Variants in RORA observed in about 807,000 individuals in gnomAD.
The protein encoded by RORA is nuclear receptor ROR-alpha.
Under a neutral mutation model 69.5 loss-of-function variants are expected in RORA, and 7 were observed. That is an observed-to-expected ratio of 0.10 (90% CI 0.06 to 0.19). The LOEUF (loss-of-function observed/expected upper bound fraction) is 0.19. Ranked by LOEUF, RORA falls within the 10% of genes least tolerant of loss-of-function variation. RORA has a pLI of 1.00. For missense variants in RORA, 457 were observed against 663.0 expected (o/e 0.69, Z 3.41); for synonymous variants, 261 against 240.8 (o/e 1.08, Z -0.78).
chr15:60,633,400 A>G (rs771250638), intron 2 of RORA, among the ~76,000 whole-genome samples: 3 of 152,262 alleles, frequency 2.0e-5, no homozygotes, highest in Non-Finnish European at 2.9e-5. Context: ...CATTTCTTTA[A>G]CTTATAATAT....
At chr15:61,142,420 A>G (rs1224743139) in intron 1 of RORA, among the ~76,000 whole-genome samples, 1 of 152,256 alleles carries the variant, frequency 6.6e-6, no homozygotes, top group African/African-American at 2.4e-5. Context: ...GGAAGCACTG[A>G]CAAAGACACT....
chr15:60,722,740 C>T (rs1196716093), intron 1 of RORA, among the ~76,000 whole-genome samples: 2 of 152,190 alleles, frequency 1.3e-5, no homozygotes, highest in East Asian at 1.9e-4. Flanking sequence ...CTGTAGTCAT[C>T]CAAGAAAAAT....
chr15:61,064,070 G>A (rs1171071435), intron 1 of RORA, among the ~76,000 whole-genome samples: 1 of 152,168 alleles, frequency 6.6e-6, no homozygotes, highest in Non-Finnish European at 1.5e-5. Flanking sequence ...TCAACCTCGA[G>A]GGCAGCTGTG....
chr15:61,102,055 AT>A (rs2078887806), intron 1 of RORA, among the ~76,000 whole-genome samples: 1 of 152,148 alleles, frequency 6.6e-6, no homozygotes, highest in Non-Finnish European at 1.5e-5. Flanking sequence ...ACCCCAGGTC[AT>A]CCCCCGGATC....
chr15:61,032,792 T>G (rs1447013844), intron 1 of RORA, among the ~76,000 whole-genome samples: 1 of 152,130 alleles, frequency 6.6e-6, no homozygotes, highest in African/African-American at 2.4e-5. Flanking sequence ...CAAAGAGCAG[T>G]ACAGGGGATC....
chr15:60,834,733 G>A (rs958555142), intron 1 of RORA, among the ~76,000 whole-genome samples: 18 of 152,164 alleles, frequency 1.2e-4, no homozygotes, highest in African/African-American at 2.7e-4. Context: ...GAGGGGCTGC[G>A]CATTTGTTGA....
intron 1 of RORA, among the ~76,000 whole-genome samples, chr15:60,727,053 CA>C (rs1455091035): frequency 6.6e-6 from 1 of 152,196 alleles, no homozygotes; most frequent in African/African-American, 2.4e-5. Context: ...GCAGCTCACA[CA>C]GGTTTGCTGG....
At chr15:61,136,130 G>C (rs2079237967) in intron 1 of RORA, among the ~76,000 whole-genome samples, 1 of 152,026 alleles carries the variant, frequency 6.6e-6, no homozygotes, top group Non-Finnish European at 1.5e-5. Context: ...TTCTTGAAAG[G>C]GGGTGGAAGA....
intron 1 of RORA, among the ~76,000 whole-genome samples, chr15:60,800,623 A>G (rs1323697201): frequency 6.6e-6 from 1 of 152,028 alleles, no homozygotes; most frequent in Non-Finnish European, 1.5e-5. Flanking sequence ...CTCTTGGTGA[A>G]CTCAGGGGGC....
At chr15:60,802,422 T>C (rs1018439330) in intron 1 of RORA, among the ~76,000 whole-genome samples, 1 of 152,190 alleles carries the variant, frequency 6.6e-6, no homozygotes, top group Admixed American at 6.5e-5. Flanking sequence ...CATTTGTTCA[T>C]TGTGACTCTG....
chr15:60,626,707 C>T (rs556187224), intron 2 of RORA, among the ~76,000 whole-genome samples: 5 of 152,152 alleles, frequency 3.3e-5, no homozygotes, highest in South Asian at 2.1e-4. Flanking sequence ...GAAACAGGAT[C>T]GGGAAAATCT....
At position 61,147,766 on chromosome 15, in the gene RORA, C is replaced by CGCGTGTGTGTGT. The variant is rs375270045; in HGVS notation, c.166+81286_166+81287insACACACACACGC. On this transcript the variant is annotated intron_variant, in intron 1 of 10. Transcript: ENST00000335670. The surrounding 1 kb of genome is among the most constrained non-coding windows in gnomAD (Gnocchi z 4.1). ...TGGTCAGTAGGCACGTGCGCACACG[C>CGCGTGTGTGTGT]GTGTGTGTGTGTGTGTGTGTGTGTG... is the stretch of plus-strand genomic sequence containing the variant. Among the ~76,000 whole-genome samples, 8 of 147,588 alleles carry CGCGTGTGTGTGT rather than the reference C, an allele frequency of 5.4e-5. No individual in the cohort carries two copies. The highest frequency in any genetic ancestry group is 1.2e-4 in the Non-Finnish European group (8 of 66,912).
chr15:60,935,693 C>G (rs1451933203), intron 1 of RORA, among the ~76,000 whole-genome samples: 1 of 152,224 alleles, frequency 6.6e-6, no homozygotes, highest in East Asian at 1.9e-4. Context: ...GAGAAACACA[C>G]CATACATAAA....
At position 60,558,151 on chromosome 15, in the gene RORA, C is replaced by G. The variant is rs1280981216; in HGVS notation, c.197-26300G>C. On this transcript the variant is annotated intron_variant, in intron 2 of 10. Transcript: ENST00000335670. ...AGTGCCACACCGGGGGAAAGGGAGGCAAACACAAGACTGGGCCACATCTCC... is the reference window on the plus strand; with the variant it reads ...AGTGCCACACCGGGGGAAAGGGAGGGAAACACAAGACTGGGCCACATCTCC... The G allele has an allele frequency of 3.7e-6, 4 of 1,092,804 alleles. No homozygotes were observed. In the South Asian group the frequency reaches 4.2e-5, roughly 11 times the overall value. 67.7% of individuals were successfully genotyped at this position (1,092,804 alleles called of 1,614,324 possible). A position where few individuals can be genotyped will look rare whatever the true frequency, so the allele number is the denominator to read the frequency against.
intron 1 of RORA, among the ~76,000 whole-genome samples, chr15:60,758,454 G>C (rs768608677): frequency 1.3e-5 from 2 of 152,144 alleles, no homozygotes; most frequent in Non-Finnish European, 2.9e-5. Flanking sequence ...GCTGCCATCA[G>C]TTCCGGTGAT....
At chr15:60,646,348 G>A (rs1416770153) in intron 2 of RORA, among the ~76,000 whole-genome samples, 8 of 152,152 alleles carry the variant, frequency 5.3e-5, no homozygotes, top group Non-Finnish European at 2.9e-5. Flanking sequence ...TCCCCAGGGA[G>A]GGTAATTTCC....
chr15:60,890,971 T>C (rs1320123146), intron 1 of RORA, among the ~76,000 whole-genome samples: 1 of 152,226 alleles, frequency 6.6e-6, no homozygotes, highest in Non-Finnish European at 1.5e-5. Flanking sequence ...TCCCTGTTCA[T>C]GTCCAAATCA....
At chr15:60,706,047 C>G (rs1167853656) in intron 1 of RORA, among the ~76,000 whole-genome samples, 1 of 152,142 alleles carries the variant, frequency 6.6e-6, no homozygotes, top group African/African-American at 2.4e-5. Context: ...AAAAAGGGCA[C>G]ACGCATAGTT....
chr15:60,708,159 A>C (rs1367058187), intron 1 of RORA, among the ~76,000 whole-genome samples: 1 of 152,070 alleles, frequency 6.6e-6, no homozygotes, highest in Non-Finnish European at 1.5e-5. Context: ...AGCCCTCTGT[A>C]TTATTCGTGT....
Sources: gnomAD v4.1 joint callset for allele counts (sites outside exome capture counted in the v4.1 genomes callset) on GRCh38, gnomAD v4.1.1 for gene constraint, Gnocchi (gnomAD v3.1) non-coding constraint, MANE v1.5 for transcripts, NCBI Gene and HGNC (gene_info 2026-07-23, HGNC 2026-07-21) for gene names.